Variants in HIVEP2 observed in about 807,000 individuals in gnomAD.
HIVEP2 encodes the protein HIVEP zinc finger 2.
HIVEP2 carries 14 observed loss-of-function variants against 180.7 expected under a neutral mutation model. The observed-to-expected ratio is 0.08, with a 90% CI of 0.05 to 0.12. The LOEUF is 0.12. Ranked by LOEUF, HIVEP2 falls within the 10% of genes least tolerant of loss-of-function variation. HIVEP2 has a pLI of 1.00. For synonymous variants in HIVEP2, 1,184 were observed against 1,136.4 expected, an observed-to-expected ratio of 1.04 and a Z score of -0.84; for missense variants, 2,579 against 3,008.5, an observed-to-expected ratio of 0.86 and a Z score of 3.34.
chr6:142,818,622 T>C (rs1240188626), intron 2 of HIVEP2, among the ~76,000 whole-genome samples: 1 of 146,332 alleles, frequency 6.8e-6, no homozygotes, highest in Non-Finnish European at 1.5e-5. Flanking sequence ...TGAGTCAAGA[T>C]TGCACAACTG....
rs186752437 is a variant in HIVEP2 at position 142,889,854 on chromosome 6, T to C, written c.-640-52807A>G. ...CTATACTGTCTAACACTGTAGCCGC[T>C]GGCCATAAATGGCTCTTGACACTTG... is the stretch of plus-strand genomic sequence containing the variant. On this transcript the variant is annotated intron_variant, in intron 1 of 9. Transcript: ENST00000367603. Among the ~76,000 whole-genome samples the C allele has an allele frequency of 7.1e-4, 108 of 152,358 alleles. 1 individual carries two copies. Among genetic ancestry groups the C allele is most frequent in the Middle Eastern group, 6.8e-3 (2 of 294 alleles).
At chr6:142,886,606 C>T (rs1301787245) in intron 1 of HIVEP2, among the ~76,000 whole-genome samples, 1 of 152,184 alleles carries the variant, frequency 6.6e-6, no homozygotes, top group Non-Finnish European at 1.5e-5. Flanking sequence ...TTCCGACTTG[C>T]AACACCCTAT....
At chr6:142,808,639 G>A (rs1776612644) in intron 2 of HIVEP2, among the ~76,000 whole-genome samples, 1 of 151,070 alleles carries the variant, frequency 6.6e-6, no homozygotes, top group Admixed American at 6.6e-5. Flanking sequence ...GAGGGATAGA[G>A]GGATGGAGAG....
intron 1 of HIVEP2, among the ~76,000 whole-genome samples, chr6:142,930,234 G>C (rs1001706656): frequency 8.5e-5 from 13 of 152,144 alleles, no homozygotes; most frequent in Non-Finnish European, 1.9e-4. Flanking sequence ...TGAGTGAACA[G>C]ATATATATAG....
intron 1 of HIVEP2, among the ~76,000 whole-genome samples, chr6:142,884,257 G>C (rs1380836095): frequency 6.6e-6 from 1 of 151,814 alleles, no homozygotes; most frequent in Non-Finnish European, 1.5e-5. Flanking sequence ...TAATTACAGT[G>C]ACAAGCAGCC....
chr6:142,827,384 A>G (rs190840592), intron 2 of HIVEP2, among the ~76,000 whole-genome samples: 2 of 152,334 alleles, frequency 1.3e-5, no homozygotes, highest in East Asian at 3.9e-4. Context: ...ACCTCCTGCT[A>G]GCATATTGCA....
At chr6:142,845,639 A>G (rs751727267) in intron 1 of HIVEP2, among the ~76,000 whole-genome samples, 1 of 152,226 alleles carries the variant, frequency 6.6e-6, no homozygotes, top group Non-Finnish European at 1.5e-5. Context: ...ACAAAGGTTC[A>G]GTTAAGGAAG....
intron 2 of HIVEP2, among the ~76,000 whole-genome samples, chr6:142,793,634 T>TC (rs1310540986): frequency 6.0e-5 from 2 of 33,220 alleles, no homozygotes; most frequent in African/African-American, 2.3e-4. Context: ...CTTTCTTTCT[T>TC]TCTTTCTTTC....
chr6:142,819,126 T>C (rs559283905), intron 2 of HIVEP2, among the ~76,000 whole-genome samples: 1 of 151,732 alleles, frequency 6.6e-6, no homozygotes, highest in East Asian at 1.9e-4. Flanking sequence ...CCCAGCCACT[T>C]GGGAGGCTGA....
At chr6:142,761,261 C>A (rs146962342) in intron 8 of HIVEP2, among the ~76,000 whole-genome samples, 1 of 151,890 alleles carries the variant, frequency 6.6e-6, no homozygotes, top group Non-Finnish European at 1.5e-5. Context: ...GCCTTTTTTG[C>A]CCTCGGAGTC....
At chr6:142,762,679 C>A (rs1233283381) in intron 7 of HIVEP2, among the ~76,000 whole-genome samples, 2 of 152,150 alleles carry the variant, frequency 1.3e-5, no homozygotes, top group African/African-American at 4.8e-5. Context: ...GGAAACTCAG[C>A]CTGCTAGCAC....
intron 1 of HIVEP2, among the ~76,000 whole-genome samples, chr6:142,840,973 T>G (rs1334488744): frequency 1.3e-5 from 2 of 152,086 alleles, no homozygotes; most frequent in African/African-American, 4.8e-5. Context: ...CATTTTTATT[T>G]TAATGGTGAC....
rs371292045 is a variant in HIVEP2 at position 142,758,082 on chromosome 6, A to G, written c.6516+1690T>C. Among the ~76,000 whole-genome samples, 3 of 152,326 alleles carry G rather than the reference A, an allele frequency of 2.0e-5. No homozygotes were observed. The East Asian group carries it at 5.8e-4, about 29-fold the overall frequency. ...CCAGAGAAAGCATGTGTCATCCCAG[A>G]CTTGGTATCCCATGATCCAGGAGAT... On this transcript the variant is annotated intron_variant, in intron 9 of 9. Transcript: ENST00000367603.
At chr6:142,830,441 G>A (rs1775047996) in intron 2 of HIVEP2, among the ~76,000 whole-genome samples, 1 of 152,122 alleles carries the variant, frequency 6.6e-6, no homozygotes, top group African/African-American at 2.4e-5. Context: ...GCACACTTCT[G>A]GCTGCTGAGA....
chr6:142,911,567 A>T (rs1034213729), intron 1 of HIVEP2, among the ~76,000 whole-genome samples: 1 of 152,224 alleles, frequency 6.6e-6, no homozygotes, highest in African/African-American at 2.4e-5. Flanking sequence ...GGAGACTAAG[A>T]ATCATCTGAG....
At chr6:142,878,179 T>C (rs1582934925) in intron 1 of HIVEP2, among the ~76,000 whole-genome samples, 1 of 152,320 alleles carries the variant, frequency 6.6e-6, no homozygotes, top group East Asian at 1.9e-4. Flanking sequence ...CAAAAAACTC[T>C]GTCAAAATCC....
At chr6:142,759,285 A>G (rs1775158453) in intron 9 of HIVEP2, among the ~76,000 whole-genome samples, 1 of 152,114 alleles carries the variant, frequency 6.6e-6, no homozygotes, top group African/African-American at 2.4e-5. Context: ...CCTGGGTGAA[A>G]GAGTGAGACC....
chr6:142,901,876 C>A (rs191899188), intron 1 of HIVEP2, among the ~76,000 whole-genome samples: 1 of 151,954 alleles, frequency 6.6e-6, no homozygotes, highest in Non-Finnish European at 1.5e-5. Flanking sequence ...TGCAAACATG[C>A]GGAGGAGGAA....
intron 6 of HIVEP2, 86 bp from the exon 7 acceptor site, chr6:142,765,060 A>G: frequency 3.1e-6 from 4 of 1,278,434 alleles, no homozygotes; most frequent in Non-Finnish European, 4.3e-6. Context: ...TTTGCACGGC[A>G]AAGTTTTATG....
Sources: gnomAD v4.1 joint callset for allele counts (sites outside exome capture counted in the v4.1 genomes callset) on GRCh38, gnomAD v4.1.1 for gene constraint, MANE v1.5 for transcripts, NCBI Gene and HGNC (gene_info 2026-07-23, HGNC 2026-07-21) for gene names.